Variants in MCTP2 observed in about 807,000 individuals in gnomAD.
The protein encoded by MCTP2 is multiple C2 and transmembrane domain-containing protein 2.
A neutral mutation model predicts 111.6 loss-of-function variants in MCTP2; 132 were observed. The ratio of observed to expected loss-of-function variants is 1.18; its 90% CI spans 1.03 to 1.37. The LOEUF is 1.37. Among genes scored for constraint, MCTP2 ranks in the 40% most tolerant of loss-of-function variants. The pLI, the probability that MCTP2 is intolerant of heterozygous loss-of-function variation, is 0.00. For synonymous variants in MCTP2, 395 were observed against 387.7 expected (o/e 1.02, Z -0.22); for missense variants, 1,183 against 1,067.9 (o/e 1.11, Z -1.50).
chr15:94,376,661 A>T (rs2079790196), intron 12 of MCTP2, among the ~76,000 whole-genome samples: 1 of 152,196 alleles, frequency 6.6e-6, no homozygotes, highest in Non-Finnish European at 1.5e-5. Flanking sequence ...CATATTGTTT[A>T]TAATTTCCCT....
chr15:94,449,951 AAATC>A (rs1204750405), intron 19 of MCTP2, among the ~76,000 whole-genome samples: 9 of 152,288 alleles, frequency 5.9e-5, no homozygotes, highest in Middle Eastern at 3.4e-3. Flanking sequence ...ACTTTTAATG[AAATC>A]AATCTTTCAA....
chr15:94,315,839 T>C (rs294549), intron 4 of MCTP2, among the ~76,000 whole-genome samples: 77,920 of 152,020 alleles, frequency 0.51, 20,287 homozygotes, highest in East Asian at 0.61. Context: ...TATTATTAGG[T>C]TAATGATACG....
chr15:94,396,683 A>T (rs968767918), intron 14 of MCTP2, among the ~76,000 whole-genome samples: 1 of 152,206 alleles, frequency 6.6e-6, no homozygotes, highest in African/African-American at 2.4e-5. Context: ...TCCAAATACT[A>T]ACTAGCATTT....
chr15:94,282,683 C>A (rs1190131855), intron 1 of MCTP2, among the ~76,000 whole-genome samples: 1 of 152,214 alleles, frequency 6.6e-6, no homozygotes, highest in East Asian at 1.9e-4. Context: ...TTCCTTTAAT[C>A]TTTTAAGTCA....
rs1199058585 is a variant in MCTP2, at chr15:94,370,101, C to G, written c.1503C>G (p.Ser501=). 1 of 1,611,734 alleles carries G rather than the reference C, an allele frequency of 6.2e-7. No homozygotes were observed. The highest frequency in any genetic ancestry group is 8.5e-7 in the Non-Finnish European group (1 of 1,178,998). The part of the protein sequence containing the change: ...QITQRYCLQN[S]LKDVKDVGIL... Reference sequence around the variant, plus strand: ...TCAACCCTCAGTGCTTACAGAACTCCCTGAAAGATGTGAAAGACGTCGGCA... The same window carrying G: ...TCAACCCTCAGTGCTTACAGAACTCGCTGAAAGATGTGAAAGACGTCGGCA... Residue 501 remains serine (S), a synonymous_variant, in exon 12 of 23, where the codon TCC becomes TCG. Coordinates refer to ENST00000357742, the MANE Select transcript of MCTP2 (RefSeq NM_001385001.1).
chr15:94,263,495 A>C (rs762370959), intron 1 of MCTP2, among the ~76,000 whole-genome samples: 1 of 152,218 alleles, frequency 6.6e-6, no homozygotes, highest in Non-Finnish European at 1.5e-5. Context: ...CTCTGAACTC[A>C]TAGCCAACAG....
chr15:94,406,223 T>G (rs1216889934), intron 17 of MCTP2, among the ~76,000 whole-genome samples: 1 of 152,194 alleles, frequency 6.6e-6, no homozygotes, highest in Non-Finnish European at 1.5e-5. Flanking sequence ...CCTGCTGATG[T>G]AGGTGGTGAT....
chr15:94,243,276 C>T (rs1197435605), intron 1 of MCTP2, among the ~76,000 whole-genome samples: 1 of 147,004 alleles, frequency 6.8e-6, no homozygotes, highest in Non-Finnish European at 1.5e-5. Context: ...CGTATGCGTA[C>T]ATACGTATGC....
intron 14 of MCTP2, among the ~76,000 whole-genome samples, chr15:94,387,114 CCCTTCCT>C (rs369111644): frequency 0.03 from 4,485 of 151,734 alleles, 224 homozygotes; most frequent in African/African-American, 0.1. Flanking sequence ...TTCCTCTCCT[CCCTTCCT>C]CCTTCCTCCT....
chr15:94,413,647 C>G (rs1206371154), intron 17 of MCTP2, among the ~76,000 whole-genome samples: 1 of 151,716 alleles, frequency 6.6e-6, no homozygotes, highest in Admixed American at 6.6e-5. Context: ...TTCCAGAGGC[C>G]ATTTCCTCCC....
At chr15:94,311,842 T>G (rs558454104) in intron 2 of MCTP2, among the ~76,000 whole-genome samples, 1 of 152,330 alleles carries the variant, frequency 6.6e-6, no homozygotes, top group African/African-American at 2.4e-5. Context: ...AATTTTGTCA[T>G]TTAATTAACA....
At chr15:94,318,386 C>T (rs778887576) in intron 4 of MCTP2, among the ~76,000 whole-genome samples, 17 of 151,484 alleles carry the variant, frequency 1.1e-4, no homozygotes, top group Non-Finnish European at 1.8e-4. Flanking sequence ...TGGGTTCAAG[C>T]GATTCTCCTG....
chr15:94,390,052 A>AAATATACG (rs2080787212), intron 14 of MCTP2, among the ~76,000 whole-genome samples: 1 of 4,506 alleles, frequency 2.2e-4, no homozygotes, highest in Non-Finnish European at 1.5e-3. Flanking sequence ...TTCAAGGCAT[A>AAATATACG]TATATATATA....
intron 4 of MCTP2, among the ~76,000 whole-genome samples, chr15:94,328,900 A>G (rs1259567815): frequency 2.0e-5 from 3 of 152,108 alleles, no homozygotes; most frequent in African/African-American, 7.2e-5. Flanking sequence ...TGATTCCCAT[A>G]TTGTGTGTGT....
chr15:94,367,819 C>T lies in MCTP2; in HGVS notation c.1488+28C>T, dbSNP rs766350008. The T allele has an allele frequency of 4.5e-6, 7 of 1,545,792 alleles. No individual in the cohort carries two copies. In the South Asian group the frequency reaches 8.4e-5, roughly 19 times the overall value. On this transcript the variant is annotated intron_variant, in intron 11 of 22. Coordinates refer to ENST00000357742, the MANE Select transcript of MCTP2 (RefSeq NM_001385001.1). ...GAGTGTTTTTCCTTATTGTACACTC[C>T]CCCTCCTCCCACCTTCTCTTTTAAA...
At chr15:94,390,724 T>TC in intron 14 of MCTP2, among the ~76,000 whole-genome samples, 1 of 147,288 alleles carries the variant, frequency 6.8e-6, no homozygotes, top group East Asian at 1.9e-4. Context: ...TCTTTTCTTT[T>TC]CTTTTTTTTT....
intron 1 of MCTP2, among the ~76,000 whole-genome samples, chr15:94,294,624 C>A (rs1361382363): frequency 6.6e-6 from 1 of 152,190 alleles, no homozygotes; most frequent in Admixed American, 6.5e-5. Context: ...ACTTTGTTTA[C>A]AGCAACTCCT....
intron 1 of MCTP2, among the ~76,000 whole-genome samples, chr15:94,281,594 T>C (rs1375999555): frequency 6.6e-6 from 1 of 151,992 alleles, no homozygotes; most frequent in East Asian, 1.9e-4. Flanking sequence ...TTTGATCTTG[T>C]TGTTGTGATG....
intron 12 of MCTP2, among the ~76,000 whole-genome samples, chr15:94,372,830 G>A (rs996622603): frequency 9.2e-5 from 14 of 151,976 alleles, no homozygotes; most frequent in Middle Eastern, 3.4e-3. Context: ...AAAGAATGAT[G>A]GTCATTTTAG....
Sources: gnomAD v4.1 joint callset for allele counts (sites outside exome capture counted in the v4.1 genomes callset) on GRCh38, gnomAD v4.1.1 for gene constraint, MANE v1.5 for transcripts, NCBI Gene and HGNC (gene_info 2026-07-23, HGNC 2026-07-21) for gene names.